The following PMS1 variants were observed in gnomAD, a reference collection of about 807,000 sequenced individuals.
PMS1 encodes PMS1 protein homolog 1.
In PMS1, 79 loss-of-function variants were observed where a neutral mutation model predicts 93.1. The ratio of observed to expected loss-of-function variants is 0.85; its 90% CI spans 0.71 to 1.02. The LOEUF (loss-of-function observed/expected upper bound fraction) is 1.02. Among genes scored for constraint, PMS1 ranks in the 50% least tolerant of loss-of-function variants. PMS1 has a pLI of 0.00. For synonymous variants in PMS1, 335 were observed against 363.4 expected (o/e 0.92, Z 0.89); for missense variants, 1,064 against 1,085.3 (o/e 0.98, Z 0.28).
At chr2:189,786,824 G>A (rs1039046471) in intron 1 of PMS1, among the ~76,000 whole-genome samples, 1 of 152,178 alleles carries the variant, frequency 6.6e-6, no homozygotes, top group Non-Finnish European at 1.5e-5. Context: ...GGCCGAGGCG[G>A]GCGGATCACC....
In PMS1 at chr2:189,795,965, A is replaced by G. The variant is rs200950127; in HGVS notation, c.315+14A>G. On this transcript the variant is annotated intron_variant, in intron 3 of 12. Transcript: ENST00000441310. ...TGTATAGCTGAGGTAAGGTAATTAT[A>G]TTGGTTATTTTAGTGATTTCATATT... 1.3e-6 allele frequency: 2 copies of G among 1,553,738 alleles called. No homozygotes were observed. Among genetic ancestry groups the G allele is most frequent in the Admixed American group, 3.3e-5 (2 of 59,938 alleles).
At chr2:189,790,966 G>A (rs1039075995) in intron 1 of PMS1, among the ~76,000 whole-genome samples, 2 of 152,152 alleles carry the variant, frequency 1.3e-5, no homozygotes, top group Admixed American at 1.3e-4. Context: ...GCAGGCAGTT[G>A]GAAATACAGA....
intron 11 of PMS1, among the ~76,000 whole-genome samples, chr2:189,871,347 G>A (rs2057129982): frequency 6.6e-6 from 1 of 152,038 alleles, no homozygotes. Flanking sequence ...ATCTCATGAT[G>A]TTTAAAAAAA....
intron 5 of PMS1, among the ~76,000 whole-genome samples, chr2:189,833,411 G>A (rs999551433): frequency 2.0e-5 from 3 of 152,144 alleles, no homozygotes; most frequent in South Asian, 2.1e-4. Flanking sequence ...GTGAAACCCC[G>A]TCTCTACTAA....
rs1408371167 is a variant in PMS1, at chr2:189,854,888, T to C, written c.1616T>C (p.Met539Thr). The change falls in exon 9 of 13, where the codon ATG becomes ACG. Residue 539 changes from methionine to threonine, a missense_variant. Coordinates refer to ENST00000441310, the MANE Select transcript of PMS1 (RefSeq NM_000534.5). ...SNNNYPIPEQMNLNEDSCNKK... is the reference protein window; with the variant it reads ...SNNNYPIPEQTNLNEDSCNKK... ...AATAATTATCCAATCCCTGAACAAA[T>C]GAATCTTAATGAAGATTCATGTAAC... 6.2e-7 allele frequency: 1 copy of C among 1,605,796 alleles called. No individual in the cohort carries two copies. Among genetic ancestry groups the C allele is most frequent in the African/African-American group, 1.3e-5 (1 of 74,610 alleles).
intron 11 of PMS1, among the ~76,000 whole-genome samples, chr2:189,871,338 T>A (rs1397042463): frequency 1.3e-5 from 2 of 151,300 alleles, no homozygotes; most frequent in Admixed American, 1.3e-4. Context: ...GCAGAAAAAA[T>A]CTCATGATGT....
At chr2:189,792,620 G>A (rs1207573166) in intron 2 of PMS1, among the ~76,000 whole-genome samples, 13 of 143,384 alleles carry the variant, frequency 9.1e-5, no homozygotes, top group African/African-American at 3.4e-4. Context: ...TGTAGGAAAG[G>A]GACCTAACTT....
At chr2:189,815,293 C>T (rs941596891) in intron 4 of PMS1, among the ~76,000 whole-genome samples, 1 of 152,022 alleles carries the variant, frequency 6.6e-6, no homozygotes, top group Non-Finnish European at 1.5e-5. Flanking sequence ...AGCTTTAATT[C>T]CCACCCCTTT....
intron 5 of PMS1, among the ~76,000 whole-genome samples, chr2:189,840,139 A>T (rs2053701712): frequency 6.6e-6 from 1 of 152,172 alleles, no homozygotes; most frequent in Non-Finnish European, 1.5e-5. Flanking sequence ...AGATAAACTA[A>T]ATTTAACAGT....
intron 3 of PMS1, among the ~76,000 whole-genome samples, chr2:189,796,377 C>G (rs2049355009): frequency 6.6e-6 from 1 of 152,082 alleles, no homozygotes; most frequent in African/African-American, 2.4e-5. Context: ...TATATATATA[C>G]ATAACATAAA....
intron 9 of PMS1, 57 bp downstream of exon 9, chr2:189,855,185 A>C: frequency 7.0e-7 from 1 of 1,433,352 alleles, no homozygotes; most frequent in South Asian, 1.2e-5. Flanking sequence ...ATTCTATATG[A>C]CTCACTGTTT....
At chr2:189,796,815 T>A (rs2106238176) in intron 3 of PMS1, among the ~76,000 whole-genome samples, 1 of 152,308 alleles carries the variant, frequency 6.6e-6, no homozygotes, top group East Asian at 1.9e-4. Flanking sequence ...TGGGCTATTG[T>A]GAATAATGTT....
At chr2:189,852,314 A>G (rs938467867) in intron 6 of PMS1, among the ~76,000 whole-genome samples, 1 of 152,210 alleles carries the variant, frequency 6.6e-6, no homozygotes, top group Non-Finnish European at 1.5e-5. Flanking sequence ...AATGTGAGGA[A>G]AGAAACTTTT....
At chr2:189,811,534 G>T (rs1232853494) in intron 4 of PMS1, among the ~76,000 whole-genome samples, 4 of 152,158 alleles carry the variant, frequency 2.6e-5, no homozygotes, top group Non-Finnish European at 4.4e-5. Flanking sequence ...ATTAGAGGTT[G>T]CAGGGAGCCA....
chr2:189,846,383 G>A (rs1187818181), intron 6 of PMS1, among the ~76,000 whole-genome samples: 2 of 152,070 alleles, frequency 1.3e-5, no homozygotes, highest in African/African-American at 4.8e-5. Context: ...ATGGTGGCAG[G>A]TGCCTGTAAT....
At chr2:189,845,791 C>T (rs546053467) in intron 6 of PMS1, among the ~76,000 whole-genome samples, 1 of 152,132 alleles carries the variant, frequency 6.6e-6, no homozygotes, top group South Asian at 2.1e-4. Flanking sequence ...AGTGCAGTAG[C>T]GCAGTTTTTG....
Position 189,795,855 on chromosome 2 carries a change from C to T in PMS1, c.219C>T (p.Tyr73=). Reference sequence around the variant, plus strand: ...ATGCACCTGTAATGGCAATGAAGTACTACACCTCAAAAATAAATAGTCATG... The same window carrying T: ...ATGCACCTGTAATGGCAATGAAGTATTACACCTCAAAAATAAATAGTCATG... The part of the protein sequence containing the change: ...AVDAPVMAMK[Y]YTSKINSHED... Residue 73 remains tyrosine, a synonymous_variant, in exon 3 of 13, where the codon TAC becomes TAT. Transcript: ENST00000441310. 6.2e-7 allele frequency: 1 copy of T among 1,612,600 alleles called. No homozygotes were observed. The highest frequency in any genetic ancestry group is 8.5e-7 in the Non-Finnish European group (1 of 1,178,674).
intron 2 of PMS1, among the ~76,000 whole-genome samples, chr2:189,794,840 T>C (rs777382435): frequency 6.6e-6 from 1 of 152,188 alleles, no homozygotes; most frequent in Non-Finnish European, 1.5e-5. Flanking sequence ...CTCACACCTG[T>C]AATTCCAGCA....
rs2056355216 is a variant in PMS1, at chr2:189,864,347, A to G, written c.2342+119A>G. The G allele has an allele frequency of 4.8e-6, 4 of 825,250 alleles. No homozygotes were observed. The East Asian group carries it at 1.1e-4, about 22-fold the overall frequency. 51.1% of individuals were successfully genotyped at this position (825,250 alleles called of 1,614,324 possible). A position where few individuals can be genotyped will look rare whatever the true frequency, so the allele number is the denominator to read the frequency against. On this transcript the variant is annotated intron_variant, in intron 10 of 12. Coordinates refer to ENST00000441310, the MANE Select transcript of PMS1 (RefSeq NM_000534.5). ...TAGTAAGGATTAGTGGTATTTATTT[A>G]TTTTAATCTTTTAAACATTTGATTT...
Sources: gnomAD v4.1 joint callset for allele counts (sites outside exome capture counted in the v4.1 genomes callset) on GRCh38, gnomAD v4.1.1 for gene constraint, MANE v1.5 for transcripts, NCBI Gene and HGNC (gene_info 2026-07-23, HGNC 2026-07-21) for gene names.